The following DGKB variants were observed in gnomAD, a reference collection of about 807,000 sequenced individuals.
The protein encoded by DGKB is 90 kDa diacylglycerol kinase.
In DGKB, 67 loss-of-function variants were observed where a neutral mutation model predicts 114.3. That is an observed-to-expected ratio of 0.59 (90% CI 0.48 to 0.72). DGKB has a LOEUF of 0.72. Among genes scored for constraint, DGKB ranks in the 30% least tolerant of loss-of-function variants. DGKB has a pLI of 0.00. For missense variants in DGKB, 907 were observed against 975.2 expected, an observed-to-expected ratio of 0.93 and a Z score of 0.93; for synonymous variants, 398 against 323.1, an observed-to-expected ratio of 1.23 and a Z score of -2.49.
chr7:14,711,817 C>A (rs1389457746), intron 6 of DGKB, among the ~76,000 whole-genome samples: 1 of 151,944 alleles, frequency 6.6e-6, no homozygotes, highest in African/African-American at 2.4e-5. Flanking sequence ...GAATTCTGGG[C>A]TAAAGGTACT....
chr7:14,860,912 A>G (rs553679611), intron 1 of DGKB, among the ~76,000 whole-genome samples: 125 of 152,116 alleles, frequency 8.2e-4, no homozygotes, highest in Non-Finnish European at 1.5e-3. Context: ...TTAAGATAAT[A>G]GATTTTTCTG....
At chr7:14,887,511 A>C (rs1346265224) in intron 1 of DGKB, among the ~76,000 whole-genome samples, 1 of 151,704 alleles carries the variant, frequency 6.6e-6, no homozygotes, top group Non-Finnish European at 1.5e-5. Flanking sequence ...CAGGTCTACA[A>C]ACAACTCCCA....
At chr7:14,284,368 C>T (rs950253770) in intron 23 of DGKB, among the ~76,000 whole-genome samples, 3 of 143,204 alleles carry the variant, frequency 2.1e-5, no homozygotes, top group Non-Finnish European at 4.5e-5. Context: ...ACAACAGGTG[C>T]TGGAGAGGAT....
chr7:14,196,815 C>A (rs1562590210), intron 23 of DGKB, among the ~76,000 whole-genome samples: 1 of 151,716 alleles, frequency 6.6e-6, no homozygotes, highest in Non-Finnish European at 1.5e-5. Flanking sequence ...AAAATAAGCC[C>A]TTGTATATAG....
At chr7:14,695,035 TAATC>T (rs758450735) in intron 8 of DGKB, among the ~76,000 whole-genome samples, 20 of 152,182 alleles carry the variant, frequency 1.3e-4, no homozygotes, top group Non-Finnish European at 2.4e-4. Flanking sequence ...ACAAAAATGT[TAATC>T]AATTTGGAAA....
At chr7:14,183,940 C>A (rs1212041528) in intron 23 of DGKB, among the ~76,000 whole-genome samples, 1 of 152,124 alleles carries the variant, frequency 6.6e-6, no homozygotes, top group African/African-American at 2.4e-5. Flanking sequence ...TCCTGCGGAG[C>A]CTGGGAGACC....
intron 21 of DGKB, among the ~76,000 whole-genome samples, chr7:14,402,454 G>C (rs1014492475): frequency 2.0e-5 from 3 of 151,592 alleles, no homozygotes; most frequent in Non-Finnish European, 4.4e-5. Flanking sequence ...CTGGGTGTGC[G>C]CTCTAGTCTA....
At chr7:14,154,177 CTTTTTTT>C (rs5882429) in intron 25 of DGKB, among the ~76,000 whole-genome samples, 1 of 128,368 alleles carries the variant, frequency 7.8e-6, no homozygotes, top group Admixed American at 7.9e-5. Flanking sequence ...AGAGTTTTGT[CTTTTTTT>C]TTTTTTTTTT....
chr7:14,918,361 A>T (rs901212431), intron 1 of DGKB, among the ~76,000 whole-genome samples: 3 of 152,142 alleles, frequency 2.0e-5, no homozygotes, highest in Admixed American at 6.5e-5. Context: ...CAAAAATGAA[A>T]CAAACAAAGG....
intron 16 of DGKB, 62 bp downstream of exon 16, chr7:14,613,276 CAT>C (rs1805899857): frequency 4.3e-6 from 4 of 936,330 alleles, no homozygotes; most frequent in Non-Finnish European, 3.3e-6. Flanking sequence ...ATTTTTACAT[CAT>C]AGTTTTGTCT....
chr7:14,229,524 T>G (rs894450748), intron 23 of DGKB, among the ~76,000 whole-genome samples: 1 of 152,016 alleles, frequency 6.6e-6, no homozygotes, highest in African/African-American at 2.4e-5. Context: ...AATGTCATTA[T>G]GCACTGCATA....
intron 21 of DGKB, among the ~76,000 whole-genome samples, chr7:14,430,300 T>C (rs898817570): frequency 6.6e-6 from 1 of 152,204 alleles, no homozygotes; most frequent in Admixed American, 6.5e-5. Flanking sequence ...AGACTAACAA[T>C]GCTTGTTAGA....
At chr7:14,404,937 C>T (rs1823704691) in intron 21 of DGKB, among the ~76,000 whole-genome samples, 2 of 151,826 alleles carry the variant, frequency 1.3e-5, no homozygotes, top group African/African-American at 4.8e-5. Context: ...TGTCCCCATC[C>T]TCTCCCTGGT....
chr7:14,764,538 T>C (rs906128971), intron 2 of DGKB, among the ~76,000 whole-genome samples: 1 of 151,934 alleles, frequency 6.6e-6, no homozygotes, highest in African/African-American at 2.4e-5. Flanking sequence ...GAGGCAGATT[T>C]AATTAGCCTA....
chr7:14,693,969 G>T, intron 9 of DGKB, 106 bp downstream of exon 9: 1 of 1,330,632 alleles, frequency 7.5e-7, no homozygotes, highest in Non-Finnish European at 1.0e-6. Flanking sequence ...GGCACTCACT[G>T]CATGCTTAAT....
In DGKB at chr7:14,694,085, C is replaced by A; in HGVS notation, c.701G>T (p.Gly234Val). ...MTTIPLLVLL[G>V]LENNVKDDGQ... ...TGTGGAAATGCTTACATTTTCTAAG[C>A]CCAGGAGCACAAGAAGTGGAATCGT... Residue 234 changes from glycine (G) to valine (V), a missense_variant, in exon 9 of 26, where the codon GGC becomes GTC. Physicochemically the swap from Gly to Val is moderately radical, Grantham distance 109. Around this residue, in one of 3 missense-constraint regions of DGKB, gnomAD observed 814 missense variants for 856.6 expected, o/e 0.95. Transcript: ENST00000402815. 1 of 1,587,130 alleles carries A rather than the reference C, an allele frequency of 6.3e-7. No individual in the cohort carries two copies. The highest frequency in any genetic ancestry group is 1.2e-5 in the South Asian group (1 of 86,890).
chr7:14,212,638 T>C (rs1788309136), intron 23 of DGKB, among the ~76,000 whole-genome samples: 1 of 152,112 alleles, frequency 6.6e-6, no homozygotes, highest in African/African-American at 2.4e-5. Flanking sequence ...GCTACACATT[T>C]TAATCCCCAG....
chr7:14,228,064 C>T (rs1791101404), intron 23 of DGKB, among the ~76,000 whole-genome samples: 1 of 151,992 alleles, frequency 6.6e-6, no homozygotes, highest in Non-Finnish European at 1.5e-5. Context: ...GCTCAGAGAA[C>T]TCAATTCCAG....
At chr7:14,885,516 G>C (rs1854909622) in intron 1 of DGKB, among the ~76,000 whole-genome samples, 1 of 151,802 alleles carries the variant, frequency 6.6e-6, no homozygotes, top group African/African-American at 2.4e-5. Flanking sequence ...ACTGCTATGA[G>C]AGAAGAAGGA....
Sources: allele counts gnomAD v4.1 joint callset (sites outside exome capture counted in the v4.1 genomes callset), GRCh38; gene constraint gnomAD v4.1.1; regional missense constraint gnomAD v4.1.1; transcripts MANE v1.5; gene names NCBI Gene and HGNC (gene_info 2026-07-23, HGNC 2026-07-21).